The following CSGALNACT1 variants were observed in gnomAD, a reference collection of about 807,000 sequenced individuals.
CSGALNACT1 encodes chondroitin sulfate N-acetylgalactosaminyltransferase 1, also known as beta4GalNAcT-1.
In CSGALNACT1, 52 loss-of-function variants were observed where a neutral mutation model predicts 51.0. The ratio of observed to expected loss-of-function variants is 1.02; its 90% CI spans 0.82 to 1.29. The LOEUF is 1.29. CSGALNACT1 is among the 50% of genes most tolerant of loss of function. CSGALNACT1 has a pLI of 0.00. For missense variants in CSGALNACT1, 935 were observed against 679.2 expected, an observed-to-expected ratio of 1.38 and a Z score of -4.19; for synonymous variants, 341 against 254.4, an observed-to-expected ratio of 1.34 and a Z score of -3.24.
At chr8:19,562,865 T>C (rs1449025776) in intron 3 of CSGALNACT1, among the ~76,000 whole-genome samples, 1 of 152,210 alleles carries the variant, frequency 6.6e-6, no homozygotes, top group African/African-American at 2.4e-5. Context: ...TGGATGACAG[T>C]GTGATGATTC....
At chr8:19,654,908 A>T (rs1271628910) in intron 1 of CSGALNACT1, among the ~76,000 whole-genome samples, 2 of 152,136 alleles carry the variant, frequency 1.3e-5, no homozygotes, top group African/African-American at 2.4e-5. Flanking sequence ...AAATATTAGT[A>T]ATCAAGATTT....
At chr8:19,681,838 T>C (rs146383066) in intron 1 of CSGALNACT1, among the ~76,000 whole-genome samples, 2 of 152,264 alleles carry the variant, frequency 1.3e-5, no homozygotes, top group African/African-American at 4.8e-5. Flanking sequence ...CACCATGTCA[T>C]AGGGCAGAGT....
chr8:19,609,421 C>T (rs529634156), intron 1 of CSGALNACT1, among the ~76,000 whole-genome samples: 9 of 150,302 alleles, frequency 6.0e-5, no homozygotes, highest in African/African-American at 2.2e-4. Context: ...ATTTTTAAAT[C>T]ATTTCAATGT....
At chr8:19,598,846 C>T (rs1366213282) in intron 2 of CSGALNACT1, among the ~76,000 whole-genome samples, 1 of 152,178 alleles carries the variant, frequency 6.6e-6, no homozygotes, top group Non-Finnish European at 1.5e-5. Flanking sequence ...GAGCCATCTT[C>T]AGGTAGGAGA....
At chr8:19,597,285 C>CTTTTTTTT (rs35177349) in intron 2 of CSGALNACT1, among the ~76,000 whole-genome samples, 4 of 64,530 alleles carry the variant, frequency 6.2e-5, no homozygotes, top group African/African-American at 2.1e-4. Flanking sequence ...TATCTTCTTT[C>CTTTTTTTT]TTTTTTTTTT....
At chr8:19,697,742 G>A (rs2061656105) in intron 1 of CSGALNACT1, among the ~76,000 whole-genome samples, 1 of 152,086 alleles carries the variant, frequency 6.6e-6, no homozygotes, top group Non-Finnish European at 1.5e-5. Flanking sequence ...GGACTTGAAG[G>A]AGCTCAAGAG....
At chr8:19,607,326 G>A (rs1336337809), upstream of CSGALNACT1, among the ~76,000 whole-genome samples, 1 of 152,068 alleles carries the variant, frequency 6.6e-6, no homozygotes, top group African/African-American at 2.4e-5. Flanking sequence ...GCATAAAAAA[G>A]CACTGACCAA....
At chr8:19,654,414 C>T (rs976033096) in intron 1 of CSGALNACT1, among the ~76,000 whole-genome samples, 2 of 152,210 alleles carry the variant, frequency 1.3e-5, no homozygotes, top group South Asian at 4.1e-4. Context: ...GAAAAGCTTT[C>T]GAATCAGGTG....
chr8:19,747,346 C>A (rs148361963), intron 1 of CSGALNACT1, among the ~76,000 whole-genome samples: 1 of 152,116 alleles, frequency 6.6e-6, no homozygotes, highest in Non-Finnish European at 1.5e-5. Flanking sequence ...TCTAAGGAGG[C>A]GTTCCCTGAG....
At chr8:19,460,642 A>G (rs932607956) in intron 4 of CSGALNACT1, among the ~76,000 whole-genome samples, 2 of 152,224 alleles carry the variant, frequency 1.3e-5, no homozygotes, top group East Asian at 1.9e-4. Context: ...TTTCAGTTAC[A>G]GTGACACGGC....
At chr8:19,694,534 C>T (rs780008554) in intron 1 of CSGALNACT1, among the ~76,000 whole-genome samples, 1 of 152,236 alleles carries the variant, frequency 6.6e-6, no homozygotes, top group Non-Finnish European at 1.5e-5. Context: ...GGAGCCAGGA[C>T]TGGCAAACGC....
intron 3 of CSGALNACT1, among the ~76,000 whole-genome samples, chr8:19,566,272 G>C (rs1380512357): frequency 6.6e-6 from 1 of 152,194 alleles, no homozygotes; most frequent in Non-Finnish European, 1.5e-5. Flanking sequence ...ACCATGATCA[G>C]AGACTGGAAT....
intron 8 of CSGALNACT1, among the ~76,000 whole-genome samples, chr8:19,410,834 A>G (rs531469372): frequency 6.6e-6 from 1 of 152,334 alleles, no homozygotes; most frequent in East Asian, 1.9e-4. Flanking sequence ...GGTCATGCCC[A>G]CAGCATGTAA....
At chr8:19,413,112 T>A (rs557812634) in intron 8 of CSGALNACT1, among the ~76,000 whole-genome samples, 2 of 152,238 alleles carry the variant, frequency 1.3e-5, no homozygotes, top group Non-Finnish European at 2.9e-5. Flanking sequence ...GTATTTGCAC[T>A]TATTCACAAT....
intron 6 of CSGALNACT1, among the ~76,000 whole-genome samples, chr8:19,427,359 T>C (rs2058925772): frequency 1.3e-5 from 2 of 152,236 alleles, no homozygotes; most frequent in South Asian, 4.1e-4. Context: ...TACAATTTTG[T>C]TTTGTTTGCT....
intron 4 of CSGALNACT1, among the ~76,000 whole-genome samples, chr8:19,497,957 T>C (rs2075765433): frequency 1.3e-5 from 2 of 152,198 alleles, no homozygotes; most frequent in Admixed American, 1.3e-4. Flanking sequence ...AGTTGTCCTG[T>C]CTTTCCAGAC....
intron 3 of CSGALNACT1, among the ~76,000 whole-genome samples, chr8:19,519,991 C>G (rs2080324385): frequency 6.6e-6 from 1 of 152,198 alleles, no homozygotes; most frequent in Admixed American, 6.5e-5. Context: ...AATGCCGGCA[C>G]CCACTCTGAT....
intron 4 of CSGALNACT1, among the ~76,000 whole-genome samples, chr8:19,464,807 A>T (rs1271442793): frequency 1.3e-5 from 2 of 152,142 alleles, no homozygotes; most frequent in Non-Finnish European, 2.9e-5. Context: ...GTCTTCCACA[A>T]AACTGGTGCC....
At chr8:19,685,164 C>G (rs139676202), upstream of CSGALNACT1, among the ~76,000 whole-genome samples, 29 of 152,158 alleles carry the variant, frequency 1.9e-4, no homozygotes, top group Non-Finnish European at 3.8e-4. Context: ...AAAAACCTGA[C>G]GAAGCAAGGC....
Sources: gnomAD v4.1 joint callset for allele counts (sites outside exome capture counted in the v4.1 genomes callset) on GRCh38, gnomAD v4.1.1 for gene constraint, MANE v1.5 for transcripts, NCBI Gene and HGNC (gene_info 2026-07-23, HGNC 2026-07-21) for gene names.